DYNC2LI1: variants seen among roughly 807,000 people sequenced by gnomAD.
DYNC2LI1 encodes cytoplasmic dynein 2 light intermediate chain 1.
A neutral mutation model predicts 51.9 loss-of-function variants in DYNC2LI1; 45 were observed. That is an observed-to-expected ratio of 0.87 (90% CI 0.68 to 1.11). DYNC2LI1 has a LOEUF of 1.11. Among genes scored for constraint, DYNC2LI1 ranks in the 50% most tolerant of loss-of-function variants. The probability of loss-of-function intolerance (pLI) is 0.00; values close to 1 mark genes in which losing one functional copy is unlikely to be tolerated. For missense variants in DYNC2LI1, 490 were observed against 417.4 expected, an observed-to-expected ratio of 1.17 and a Z score of -1.51; for synonymous variants, 130 against 137.8, an observed-to-expected ratio of 0.94 and a Z score of 0.40.
Position 43,776,837 on chromosome 2 carries a change from A to C in DYNC2LI1, c.64A>C (p.Ser22Arg), listed in dbSNP as rs1346723570. 6.2e-7 allele frequency: 1 copy of C among 1,604,880 alleles called. No homozygotes were observed. ...AEVEKRGING[S>R]EGDGAEIAEK... ...AGTGGAAAAAAGGGGAATTAATGGA[A>C]GTGAAGGTGATGGAGCTGAAATTGC... The change falls in exon 2 of 13, where the codon AGT (serine) becomes CGT (arginine). Residue 22 changes from serine (S) to arginine (R), a missense_variant. By Grantham distance (110) the Ser-to-Arg change is moderately radical. Transcript: ENST00000260605.
At chr2:43,778,452 C>G (rs1673122862) in intron 2 of DYNC2LI1, among the ~76,000 whole-genome samples, 1 of 152,188 alleles carries the variant, frequency 6.6e-6, no homozygotes, top group Non-Finnish European at 1.5e-5. Context: ...CCGCCCCTGG[C>G]TACGCATTAT....
the DYNC2LI1 span, chr2:43,822,551 T>C: frequency 1.0e-6 from 1 of 983,916 alleles, no homozygotes; most frequent in African/African-American, 1.8e-5. Flanking sequence ...GCCGTGAATG[T>C]GGGACAGGTC....
intron 8 of DYNC2LI1, among the ~76,000 whole-genome samples, chr2:43,797,244 A>G (rs1452776567): frequency 6.6e-6 from 1 of 152,182 alleles, no homozygotes; most frequent in Non-Finnish European, 1.5e-5. Context: ...TTCGAATCTC[A>G]GAGTGACCAT....
intron 12 of DYNC2LI1, among the ~76,000 whole-genome samples, chr2:43,806,402 C>T (rs545243106): frequency 6.6e-6 from 1 of 152,214 alleles, no homozygotes; most frequent in African/African-American, 2.4e-5. Flanking sequence ...TCAGTATTCA[C>T]CTTCGGGGGC....
chr2:43,792,620 C>A, intron 5 of DYNC2LI1: 2 of 1,487,046 alleles, frequency 1.3e-6, no homozygotes, highest in Non-Finnish European at 8.9e-7. Flanking sequence ...TTTTGATCTT[C>A]TCAAACTGAA....
chr2:43,825,583 T>A, the DYNC2LI1 span, among the ~76,000 whole-genome samples: 1 of 151,906 alleles, frequency 6.6e-6, no homozygotes, highest in Non-Finnish European at 1.5e-5. Flanking sequence ...TGATCTTGGC[T>A]TAATTTGTTG....
At chr2:43,827,527 A>G in the DYNC2LI1 span, among the ~76,000 whole-genome samples, 221 of 152,144 alleles carry the variant, frequency 1.5e-3, no homozygotes, top group Middle Eastern at 3.4e-3. Context: ...CTGGCAGAGG[A>G]CTGACTACTC....
the DYNC2LI1 span, chr2:43,819,803 TAA>T: frequency 7.9e-6 from 9 of 1,142,708 alleles, no homozygotes; most frequent in Non-Finnish European, 1.0e-5. Context: ...GACTATAAGG[TAA>T]TATCCATAAC....
chr2:43,797,829 AT>A (rs1425723021), intron 8 of DYNC2LI1, among the ~76,000 whole-genome samples: 4 of 152,098 alleles, frequency 2.6e-5, no homozygotes, highest in African/African-American at 9.7e-5. Flanking sequence ...AAACATTTTT[AT>A]TTAAAAAATT....
Position 43,805,178 on chromosome 2 carries a change from A to T in DYNC2LI1, c.925A>T (p.Lys309Ter), listed in dbSNP as rs1336149359. Residue 309 changes from lysine (K) to a stop codon, truncating the protein, a stop_gained, in exon 12 of 13, where the codon AAG (lysine) becomes TAG (stop). Coordinates refer to ENST00000260605, the MANE Select transcript of DYNC2LI1 (RefSeq NM_016008.4). LOFTEE classifies it high-confidence loss of function. ...PKSINTLKDI[K>*]DPARDPQYAE... is the part of the protein sequence containing the mutation. ...GAGTATTAACACGCTGAAAGATATC[A>T]AGGACCCTGCGAGAGATCCTCAGTA... The T allele has an allele frequency of 1.2e-6, 2 of 1,612,026 alleles. No homozygotes were observed. The highest frequency in any genetic ancestry group is 4.5e-5 in the East Asian group (2 of 44,802).
In DYNC2LI1 at chr2:43,774,081, A is replaced by C; in HGVS notation, c.-58A>C. The stretch of plus-strand genomic sequence containing the variant: ...GACTCCTTGCGGAGCTCGCCGCCTG[A>C]TTCTAGGCTGGTCACTACTCCGAGC... On this transcript the variant is annotated 5_prime_UTR_variant, in exon 1 of 13. Transcript: ENST00000260605. 6.2e-7 allele frequency: 1 copy of C among 1,610,844 alleles called. No homozygotes were observed. The highest frequency in any genetic ancestry group is 8.5e-7 in the Non-Finnish European group (1 of 1,178,698).
At chr2:43,824,006 C>T in the DYNC2LI1 span, 2 of 1,614,208 alleles carry the variant, frequency 1.2e-6, no homozygotes, top group Non-Finnish European at 1.7e-6. Context: ...CCCTTTAGCA[C>T]ATTGCTTCGG....
downstream of DYNC2LI1, among the ~76,000 whole-genome samples, chr2:43,810,977 T>A (rs937360572): frequency 2.6e-5 from 4 of 152,336 alleles, no homozygotes; most frequent in Non-Finnish European, 5.9e-5. Context: ...TGAAAGCCAT[T>A]GTGTTTTTCT....
chr2:43,782,092 A>G (rs1173982826), intron 2 of DYNC2LI1, among the ~76,000 whole-genome samples: 3 of 152,034 alleles, frequency 2.0e-5, no homozygotes, highest in Non-Finnish European at 2.9e-5. Flanking sequence ...ATGCTGATCT[A>G]TTATGAATGT....
chr2:43,803,136 A>C (rs1423430687), intron 10 of DYNC2LI1, among the ~76,000 whole-genome samples: 1 of 152,196 alleles, frequency 6.6e-6, no homozygotes, highest in Non-Finnish European at 1.5e-5. Flanking sequence ...TAAACATGCA[A>C]CTACCATATG....
chr2:43,820,590 C>G, the DYNC2LI1 span, among the ~76,000 whole-genome samples: 32 of 152,296 alleles, frequency 2.1e-4, no homozygotes, highest in African/African-American at 7.7e-4. Context: ...ATCAGGTTAG[C>G]CCTCCCCAGC....
chr2:43,815,497 A>G, the DYNC2LI1 span, among the ~76,000 whole-genome samples: 1 of 152,210 alleles, frequency 6.6e-6, no homozygotes, highest in Non-Finnish European at 1.5e-5. Flanking sequence ...TGTATTTAGT[A>G]TTTATGGTTT....
At chr2:43,798,561 A>G (rs550297685) in intron 8 of DYNC2LI1, among the ~76,000 whole-genome samples, 39 of 152,330 alleles carry the variant, frequency 2.6e-4, no homozygotes, top group Non-Finnish European at 1.2e-4. Flanking sequence ...TTAGGAACAG[A>G]TTACATTTGA....
chr2:43,810,412 A>G (rs1400525157), downstream of DYNC2LI1: 2 of 985,312 alleles, frequency 2.0e-6, no homozygotes, highest in Non-Finnish European at 2.4e-6. Context: ...ATCAAGAAGC[A>G]GGACAAAACA....
Sources: allele counts gnomAD v4.1 joint callset (sites outside exome capture counted in the v4.1 genomes callset), GRCh38; gene constraint gnomAD v4.1.1; transcripts MANE v1.5; gene names NCBI Gene and HGNC (gene_info 2026-07-23, HGNC 2026-07-21).